Variants in EXOC1 observed in about 807,000 individuals in gnomAD.
The protein encoded by EXOC1 is exocyst complex component 1.
Under a neutral mutation model 107.7 loss-of-function variants are expected in EXOC1, and 67 were observed. The observed-to-expected ratio is 0.62, with a 90% confidence interval of 0.51 to 0.76. The LOEUF (loss-of-function observed/expected upper bound fraction) is 0.76. Among genes scored for constraint, EXOC1 ranks in the 30% least tolerant of loss-of-function variants. The pLI, the probability that EXOC1 is intolerant of heterozygous loss-of-function variation, is 0.00. For synonymous variants in EXOC1, 348 were observed against 353.5 expected (o/e 0.98, Z 0.17); for missense variants, 833 against 1,055.7 (o/e 0.79, Z 2.92).
At chr4:55,867,432 C>T (rs1577703309) in intron 4 of EXOC1, among the ~76,000 whole-genome samples, 1 of 151,974 alleles carries the variant, frequency 6.6e-6, no homozygotes, top group Non-Finnish European at 1.5e-5. Context: ...AATCATGCCC[C>T]ATTAAGTCTG....
chr4:55,888,910 T>C lies in EXOC1; in HGVS notation c.1353T>C (p.Ser451=). 2 of 1,613,712 alleles carry C rather than the reference T, an allele frequency of 1.2e-6. No homozygotes were observed. The highest frequency in any genetic ancestry group is 1.7e-6 in the Non-Finnish European group (2 of 1,179,762). ...CAGCTACACTGCCTCGAAAAGAAAG[T>C]GCTGTCAAACAGGAAACAGAGAGTG... ...KKFATLPRKE[S]AVKQETESLH... is the part of the protein sequence containing the mutation. Residue 451 remains serine (S), a synonymous_variant, in exon 11 of 19, where the codon AGT becomes AGC. Coordinates refer to ENST00000381295, the MANE Select transcript of EXOC1 (RefSeq NM_001024924.2).
intron 16 of EXOC1, 120 bp downstream of exon 16, chr4:55,897,020 C>T: frequency 1.3e-6 from 1 of 764,620 alleles, no homozygotes. Context: ...TTTAGGTTTT[C>T]TAACATTAAA....
chr4:55,874,873 C>G lies in EXOC1; in HGVS notation c.1074+2915C>G, dbSNP rs569822023. Among the ~76,000 whole-genome samples, 12 of 152,164 alleles carry G rather than the reference C, an allele frequency of 7.9e-5. No individual in the cohort carries two copies. In the South Asian group the frequency reaches 2.1e-3, roughly 26 times the overall value. ...GATATTGAAAACAGTCAAATTAAGGCTAATGAAATTGAGGAAATATTTGCA... is the reference window on the plus strand; with the variant it reads ...GATATTGAAAACAGTCAAATTAAGGGTAATGAAATTGAGGAAATATTTGCA... On this transcript the variant is annotated intron_variant, in intron 8 of 18. Transcript: ENST00000381295.
chr4:55,863,571 C>T (rs905202695), intron 3 of EXOC1, among the ~76,000 whole-genome samples: 1 of 152,112 alleles, frequency 6.6e-6, no homozygotes, highest in African/African-American at 2.4e-5. Flanking sequence ...ATGATTGCAC[C>T]ACTGCATTGT....
At chr4:55,860,563 G>T in intron 3 of EXOC1, 22 bp downstream of exon 3, 1 of 1,612,536 alleles carries the variant, frequency 6.2e-7, no homozygotes, top group South Asian at 1.1e-5. Flanking sequence ...TCAGTTCTTT[G>T]ACCTGTGTTC....
In EXOC1 at chr4:55,902,331, C is replaced by T; in HGVS notation, c.2338-13C>T. Reference sequence around the variant, plus strand: ...GCAGGTCTTAGCCATTGTTTCTTTTCATTTCCTTGAAGCATTTCTTTGAAG... The same window carrying T: ...GCAGGTCTTAGCCATTGTTTCTTTTTATTTCCTTGAAGCATTTCTTTGAAG... On this transcript the variant is annotated splice_polypyrimidine_tract_variant and intron_variant, in intron 17 of 18. Coordinates refer to ENST00000381295, the MANE Select transcript of EXOC1 (RefSeq NM_001024924.2). 7.1e-7 allele frequency: 1 copy of T among 1,411,604 alleles called. No homozygotes were observed. Among genetic ancestry groups the T allele is most frequent in the South Asian group, 1.8e-5 (1 of 54,166 alleles). The allele number at this position is 1,411,604 out of a possible 1,614,324, so 87.4% of individuals were successfully genotyped here. A position where few individuals can be genotyped will look rare whatever the true frequency, so the allele number is the denominator to read the frequency against.
chr4:55,884,749 A>G (rs899054826), intron 10 of EXOC1, among the ~76,000 whole-genome samples: 1 of 152,204 alleles, frequency 6.6e-6, no homozygotes, highest in African/African-American at 2.4e-5. Context: ...TAATGAGTTT[A>G]GCATTTGCCT....
chr4:55,885,268 A>G (rs1475320713), intron 10 of EXOC1, among the ~76,000 whole-genome samples: 1 of 152,166 alleles, frequency 6.6e-6, no homozygotes, highest in East Asian at 1.9e-4. Flanking sequence ...TATTTCTAAA[A>G]TTATCTCCTG....
Position 55,902,426 on chromosome 4 carries a change from A to G in EXOC1, c.2420A>G (p.Gln807Arg), listed in dbSNP as rs1726067185. The G allele has an allele frequency of 6.3e-7, 1 of 1,590,338 alleles. No individual in the cohort carries two copies. The highest frequency in any genetic ancestry group is 2.3e-5 in the East Asian group (1 of 42,894). The part of the protein sequence containing the change: ...EVSYQLAFNK[Q>R]ELRKVIKEYP... The stretch of plus-strand genomic sequence containing the variant: ...AGTTACCAACTTGCATTTAACAAAC[A>G]AGAACTTCGTAAAGTCATTAAGGAG... Residue 807 changes from glutamine (Q) to arginine (R), a missense_variant, in exon 18 of 19, where the codon CAA becomes CGA. Around this residue, in one of 2 missense-constraint regions of EXOC1, gnomAD observed 216 missense variants for 354.4 expected, o/e 0.61. Transcript: ENST00000381295.
rs1726253908 is a variant in EXOC1, at chr4:55,903,545, TTA to T, written c.2533-796_2533-795del. 3.9e-5 allele frequency among the ~76,000 whole-genome samples: 6 copies of T among 152,160 alleles called. No homozygotes were observed. In the South Asian group the frequency reaches 1.2e-3, roughly 32 times the overall value. On this transcript the variant is annotated intron_variant, in intron 18 of 18. Transcript: ENST00000381295. ...TCTTAAGTTGGCAGGAATTTAGGAT[TTA>T]TGAGATTTAGGATTTACAAGAAAAA... is the stretch of plus-strand genomic sequence containing the variant.
chr4:55,876,027 G>C (rs1429187522), intron 8 of EXOC1: 19 of 983,002 alleles, frequency 1.9e-5, no homozygotes, highest in Non-Finnish European at 2.2e-5. Flanking sequence ...TATCCTTCTG[G>C]CATCTTGGTT....
chr4:55,873,010 G>A (rs1203180217), intron 8 of EXOC1, among the ~76,000 whole-genome samples: 2 of 151,862 alleles, frequency 1.3e-5, no homozygotes, highest in African/African-American at 4.8e-5. Flanking sequence ...CATTCTGCTT[G>A]CTTTTCTTTC....
chr4:55,877,871 C>T (rs770343544), intron 8 of EXOC1, 46 bp from the exon 9 acceptor site: 14 of 1,603,708 alleles, frequency 8.7e-6, no homozygotes, highest in Admixed American at 1.7e-5. Flanking sequence ...TGTAACGTTT[C>T]TTTGTACTGT....
chr4:55,869,673 C>A (rs1349916348), intron 5 of EXOC1, among the ~76,000 whole-genome samples: 1 of 152,162 alleles, frequency 6.6e-6, no homozygotes, highest in African/African-American at 2.4e-5. Context: ...TGGGCAGATT[C>A]AAACCCCAGC....
At chr4:55,865,368 A>G (rs113199332) in intron 4 of EXOC1, among the ~76,000 whole-genome samples, 2 of 152,292 alleles carry the variant, frequency 1.3e-5, no homozygotes, top group African/African-American at 4.8e-5. Context: ...TGCTGATTTT[A>G]GGCTTGATGC....
intron 3 of EXOC1, among the ~76,000 whole-genome samples, chr4:55,863,602 A>T (rs1056577939): frequency 1.8e-4 from 27 of 152,206 alleles, no homozygotes; most frequent in African/African-American, 6.0e-4. Flanking sequence ...ACAAAGTGAG[A>T]CCCTGTCTCA....
chr4:55,877,471 T>TA (rs1216046019), intron 8 of EXOC1: 28 of 985,076 alleles, frequency 2.8e-5, no homozygotes, highest in Admixed American at 6.1e-5. Context: ...TACTTTTTTT[T>TA]ATCTGTTGTT....
intron 18 of EXOC1, among the ~76,000 whole-genome samples, chr4:55,903,630 C>T (rs1485897596): frequency 6.6e-6 from 1 of 152,152 alleles, no homozygotes; most frequent in East Asian, 1.9e-4. Context: ...ATAATACCCA[C>T]CCTCACCAGG....
At chr4:55,860,364 G>A in intron 2 of EXOC1, 47 bp from the exon 3 acceptor site, 1 of 1,606,154 alleles carries the variant, frequency 6.2e-7, no homozygotes, top group Non-Finnish European at 8.5e-7. Flanking sequence ...TGAAGAATGA[G>A]TGAAAGGGGT....
Sources: allele counts gnomAD v4.1 joint callset (sites outside exome capture counted in the v4.1 genomes callset), GRCh38; gene constraint gnomAD v4.1.1; regional missense constraint gnomAD v4.1.1; transcripts MANE v1.5; gene names NCBI Gene and HGNC (gene_info 2026-07-23, HGNC 2026-07-21).